Variants in EML4 observed in about 807,000 individuals in gnomAD.
The protein encoded by EML4 is EMAP like 4, also known as echinoderm microtubule-associated protein-like 4.
A neutral mutation model predicts 129.0 loss-of-function variants in EML4; 72 were observed. That is an observed-to-expected ratio of 0.56 (90% CI 0.46 to 0.68). The LOEUF (loss-of-function observed/expected upper bound fraction) is 0.68, where lower values mean the gene tolerates loss of function less well. Ranked by LOEUF, EML4 falls within the 30% of genes least tolerant of loss-of-function variation. EML4 has a pLI of 0.00. For synonymous variants in EML4, 532 were observed against 405.0 expected, an observed-to-expected ratio of 1.31 and a Z score of -3.77; for missense variants, 1,363 against 1,190.6, an observed-to-expected ratio of 1.14 and a Z score of -2.13.
chr2:42,314,915 C>G (rs1478388936), intron 17 of EML4, among the ~76,000 whole-genome samples: 1 of 152,144 alleles, frequency 6.6e-6, no homozygotes, highest in Non-Finnish European at 1.5e-5. Context: ...GGATTTAAGT[C>G]GTTGTTTTAC....
At chr2:42,305,145 C>T (rs1300800882) in intron 17 of EML4, among the ~76,000 whole-genome samples, 1 of 152,040 alleles carries the variant, frequency 6.6e-6, no homozygotes, top group Non-Finnish European at 1.5e-5. Flanking sequence ...GTTGCAGTAG[C>T]CCACGCCAGT....
Position 42,325,570 on chromosome 2 carries a change from T to TA in EML4, c.2242+16_2242+17insA, listed in dbSNP as rs1669741020. 64 of 631,228 alleles carry TA rather than the reference T, an allele frequency of 1.0e-4. No individual in the cohort carries two copies. Among genetic ancestry groups the TA allele is most frequent in the Non-Finnish European group, 1.2e-4 (45 of 381,074 alleles). 39.1% of individuals were successfully genotyped at this position (631,228 alleles called of 1,614,324 possible). On this transcript the variant is annotated intron_variant, in intron 20 of 22. Coordinates refer to ENST00000318522, the MANE Select transcript of EML4 (RefSeq NM_019063.5). ...ATATTGTACTGTAAGTATGAATGATTTTATATATATATATATATGCTATGA... is the reference window on the plus strand; with the variant it reads ...ATATTGTACTGTAAGTATGAATGATTATTATATATATATATATATGCTATGA...
intron 14 of EML4, among the ~76,000 whole-genome samples, chr2:42,302,536 C>CT (rs765657314): frequency 0.011 from 1,624 of 141,668 alleles, 22 homozygotes; most frequent in African/African-American, 0.033. Flanking sequence ...GAACTTACTT[C>CT]TTTTTTTTTT....
intron 17 of EML4, among the ~76,000 whole-genome samples, chr2:42,315,614 C>A (rs1330653773): frequency 2.0e-5 from 3 of 152,130 alleles, no homozygotes; most frequent in African/African-American, 7.2e-5. Context: ...TGGCACATGC[C>A]CGTAATCTCA....
intron 16 of EML4, 87 bp downstream of exon 16, chr2:42,303,533 T>G (rs540621506): frequency 2.7e-4 from 387 of 1,436,002 alleles, no homozygotes; most frequent in Non-Finnish European, 3.6e-4. Flanking sequence ...AAGGACTAAG[T>G]GTTGATTCAA....
chr2:42,217,768 A>G (rs796623269), intron 1 of EML4, among the ~76,000 whole-genome samples: 2 of 152,232 alleles, frequency 1.3e-5, no homozygotes, highest in Admixed American at 6.5e-5. Flanking sequence ...ATGTCCAAAT[A>G]TCAGATCTGT....
chr2:42,330,805 C>G lies in EML4; in HGVS notation c.*598C>G, dbSNP rs751681512. 1.4e-5 allele frequency: 3 copies of G among 218,156 alleles called. No individual in the cohort carries two copies. The highest frequency in any genetic ancestry group is 2.3e-5 in the African/African-American group (1 of 43,832). 13.5% of individuals were successfully genotyped at this position (218,156 alleles called of 1,614,324 possible). A position where few individuals can be genotyped will look rare whatever the true frequency, so the allele number is the denominator to read the frequency against. On this transcript the variant is annotated 3_prime_UTR_variant, in exon 23 of 23. Coordinates refer to ENST00000318522, the MANE Select transcript of EML4 (RefSeq NM_019063.5). The stretch of plus-strand genomic sequence containing the variant: ...CACTACCAGTGGATGTCCAGACATG[C>G]TCTTAGTCTACTAGAGAGGTGCTGC...
chr2:42,306,484 CTTT>C (rs375707062), intron 17 of EML4, among the ~76,000 whole-genome samples: 677 of 74,476 alleles, frequency 9.1e-3, no homozygotes, highest in Non-Finnish European at 0.015. Flanking sequence ...GTGCTAAATC[CTTT>C]TTTTTTTTTT....
chr2:42,248,030 C>T (rs1205529827), intron 2 of EML4, among the ~76,000 whole-genome samples: 2 of 152,062 alleles, frequency 1.3e-5, no homozygotes, highest in Admixed American at 6.6e-5. Context: ...CACGGTCTTA[C>T]TCTGTCACCC....
At chr2:42,174,725 A>G (rs772758137) in intron 1 of EML4, among the ~76,000 whole-genome samples, 38 of 152,246 alleles carry the variant, frequency 2.5e-4, no homozygotes, top group Non-Finnish European at 1.5e-4. Flanking sequence ...TACAGTTTAC[A>G]AAGAGCTTTT....
chr2:42,261,255 G>A lies in EML4; in HGVS notation c.473G>A (p.Arg158Lys), dbSNP rs143474845. ...QPSSQPLQIH[R>K]QTPESKNATP... ...TCTTCACAACCTCTCCAAATACACA[G>A]ACAAACTCCAGAAAGCAAGAATGCT... Residue 158 changes from arginine (R) to lysine (K), a missense_variant, in exon 4 of 23, where the codon AGA becomes AAA. Arg to Lys is a conservative substitution (Grantham distance 26). Coordinates refer to ENST00000318522, the MANE Select transcript of EML4 (RefSeq NM_019063.5). 10 of 1,613,744 alleles carry A rather than the reference G, an allele frequency of 6.2e-6. No homozygotes were observed. The highest frequency in any genetic ancestry group is 1.7e-5 in the Admixed American group (1 of 59,988).
At chr2:42,245,389 C>A in intron 1 of EML4, 116 bp from the exon 2 acceptor site, 2 of 1,010,282 alleles carry the variant, frequency 2.0e-6, no homozygotes, top group Non-Finnish European at 2.9e-6. Flanking sequence ...AGCCACTTCA[C>A]CTAGCCAGAA....
At chr2:42,275,041 A>G (rs1666582151) in intron 6 of EML4, among the ~76,000 whole-genome samples, 4 of 152,222 alleles carry the variant, frequency 2.6e-5, no homozygotes, top group Admixed American at 2.6e-4. Flanking sequence ...CGGTAACTGG[A>G]CTAGCCTGAG....
chr2:42,328,933 C>G lies in EML4; in HGVS notation c.2389C>G (p.Arg797Gly). 1 of 1,613,224 alleles carries G rather than the reference C, an allele frequency of 6.2e-7. No homozygotes were observed. The highest frequency in any genetic ancestry group is 8.5e-7 in the Non-Finnish European group (1 of 1,179,502). ...TGGGACAGATATCAATGCACTGGTG[C>G]GATCCCACAATAGAAAGGTGATAGC... ...SDGTDINALV[R>G]SHNRKVIAVA... is the part of the protein sequence containing the mutation. The change falls in exon 22 of 23, where the codon CGA becomes GGA. Residue 797 changes from arginine (R) to glycine (G), a missense_variant. Transcript: ENST00000318522.
At chr2:42,327,854 C>T (rs2103843042) in intron 21 of EML4, among the ~76,000 whole-genome samples, 1 of 152,336 alleles carries the variant, frequency 6.6e-6, no homozygotes, top group East Asian at 1.9e-4. Context: ...AACAATTTAT[C>T]TCTGCCTTCT....
chr2:42,223,252 A>G (rs1477542313), intron 1 of EML4, among the ~76,000 whole-genome samples: 1 of 152,002 alleles, frequency 6.6e-6, no homozygotes, highest in African/African-American at 2.4e-5. Flanking sequence ...TGTATTTTTC[A>G]TTTTTGTAGT....
At chr2:42,227,968 C>T (rs1661532095) in intron 1 of EML4, among the ~76,000 whole-genome samples, 1 of 152,050 alleles carries the variant, frequency 6.6e-6, no homozygotes, top group African/African-American at 2.4e-5. Context: ...ACCTGTAATC[C>T]CAACACTTTG....
Position 42,169,724 on chromosome 2 carries a change from T to A in EML4, c.25+88T>A. 13 of 1,456,616 alleles carry A rather than the reference T, an allele frequency of 8.9e-6. 1 individual carries two copies. In the South Asian group the frequency reaches 1.6e-4, roughly 18 times the overall value. The allele number at this position is 1,456,616 out of a possible 1,614,324, so 90.2% of individuals were successfully genotyped here. Reference sequence around the variant, plus strand: ...ACAGCCCAGGCCCTGCCCTCCCGCCTGCCCCTCGGGGTGGCAGCGGCTCCA... The same window carrying A: ...ACAGCCCAGGCCCTGCCCTCCCGCCAGCCCCTCGGGGTGGCAGCGGCTCCA... On this transcript the variant is annotated intron_variant, in intron 1 of 22. Coordinates refer to ENST00000318522, the MANE Select transcript of EML4 (RefSeq NM_019063.5).
chr2:42,179,120 T>C (rs1296706081), intron 1 of EML4, among the ~76,000 whole-genome samples: 1 of 152,192 alleles, frequency 6.6e-6, no homozygotes, highest in East Asian at 1.9e-4. Flanking sequence ...AATGGATTTG[T>C]GTGTCTCTGC....
Sources: gnomAD v4.1 joint callset for allele counts (sites outside exome capture counted in the v4.1 genomes callset) on GRCh38, gnomAD v4.1.1 for gene constraint, MANE v1.5 for transcripts, NCBI Gene and HGNC (gene_info 2026-07-23, HGNC 2026-07-21) for gene names.